Variants in FBXO11 observed in about 807,000 individuals in gnomAD.
The protein encoded by FBXO11 is F-box protein 11.
Under a neutral mutation model 117.0 loss-of-function variants are expected in FBXO11, and 13 were observed. The ratio of observed to expected loss-of-function variants is 0.11; its 90% CI spans 0.07 to 0.18. The LOEUF (loss-of-function observed/expected upper bound fraction) is 0.18. Among genes scored for constraint, FBXO11 ranks in the 10% least tolerant of loss-of-function variants. FBXO11 has a pLI of 1.00. For synonymous variants in FBXO11, 490 were observed against 380.5 expected (o/e 1.29, Z -3.35); for missense variants, 767 against 1,164.4 (o/e 0.66, Z 4.97).
chr2:47,812,802 T>C (rs1670718781), intron 18 of FBXO11: 1 of 224,794 alleles, frequency 4.4e-6, no homozygotes, highest in South Asian at 6.0e-5. Context: ...ACCAGGCACA[T>C]CTTGGCTTCA....
intron 1 of FBXO11, among the ~76,000 whole-genome samples, chr2:47,875,049 G>A (rs531262054): frequency 1.3e-5 from 2 of 151,958 alleles, no homozygotes; most frequent in African/African-American, 4.8e-5. Flanking sequence ...ATCAAAGTCT[G>A]ACTTCATTTA....
intron 1 of FBXO11, among the ~76,000 whole-genome samples, chr2:47,842,249 C>T (rs1572827490): frequency 6.6e-6 from 1 of 152,058 alleles, no homozygotes; most frequent in East Asian, 1.9e-4. Flanking sequence ...CTCTTGACCT[C>T]GTGATCTGCC....
intron 1 of FBXO11, among the ~76,000 whole-genome samples, chr2:47,869,558 C>T (rs1382194557): frequency 1.3e-5 from 2 of 152,102 alleles, no homozygotes; most frequent in African/African-American, 4.8e-5. Flanking sequence ...TACTAATGGC[C>T]CAGACACATC....
At chr2:47,832,278 T>C (rs528826903) in intron 11 of FBXO11, 71 bp downstream of exon 11, 48 of 1,339,346 alleles carry the variant, frequency 3.6e-5, no homozygotes, top group Non-Finnish European at 4.7e-5. Context: ...GATGAGAAAA[T>C]AATGCTGAAA....
intron 1 of FBXO11, among the ~76,000 whole-genome samples, chr2:47,853,120 A>G (rs1210143805): frequency 2.6e-5 from 4 of 150,958 alleles, no homozygotes; most frequent in Non-Finnish European, 2.9e-5. Context: ...CACCCAGGCT[A>G]CAGTGCAGTG....
intron 1 of FBXO11, among the ~76,000 whole-genome samples, chr2:47,889,821 C>G (rs951162461): frequency 1.3e-5 from 2 of 152,134 alleles, no homozygotes; most frequent in Non-Finnish European, 2.9e-5. Context: ...AAAAAATAGC[C>G]ACCTGTTGTG....
At position 47,809,685 on chromosome 2, in the gene FBXO11, T is replaced by C. The variant is rs557498118; in HGVS notation, c.2361A>G (p.Ala787=). 9.3e-6 allele frequency: 15 copies of C among 1,613,188 alleles called. No individual in the cohort carries two copies. Among genetic ancestry groups the C allele is most frequent in the Non-Finnish European group, 1.3e-5 (15 of 1,179,662 alleles). ...FAAGIEITNH[A]TATLEGNQIF... ...TCTGATTGCCTTCTAGTGTTGCAGTTGCGTGATTTGTAATTTCAATACCTG... is the reference window on the plus strand; with the variant it reads ...TCTGATTGCCTTCTAGTGTTGCAGTCGCGTGATTTGTAATTTCAATACCTG... The change falls in exon 20 of 23, where the codon GCA becomes GCG. Residue 787 remains alanine, a synonymous_variant. Coordinates refer to ENST00000403359, the MANE Select transcript of FBXO11 (RefSeq NM_001190274.2).
At chr2:47,856,206 G>A (rs1484826699) in intron 1 of FBXO11, among the ~76,000 whole-genome samples, 1 of 152,248 alleles carries the variant, frequency 6.6e-6, no homozygotes, top group South Asian at 2.1e-4. Context: ...CTCAAAACAA[G>A]CCAAATCTCA....
At chr2:47,825,500 A>C (rs1202988705) in intron 11 of FBXO11, among the ~76,000 whole-genome samples, 1 of 151,782 alleles carries the variant, frequency 6.6e-6, no homozygotes, top group Non-Finnish European at 1.5e-5. Flanking sequence ...GAGGGAGCAC[A>C]ATTAGTATAA....
At chr2:47,868,113 G>C (rs957458235) in intron 1 of FBXO11, among the ~76,000 whole-genome samples, 1 of 152,056 alleles carries the variant, frequency 6.6e-6, no homozygotes, top group African/African-American at 2.4e-5. Flanking sequence ...TGCCATGTCA[G>C]AATTCAAGCC....
chr2:47,838,240 A>C (rs1672741161), intron 4 of FBXO11, among the ~76,000 whole-genome samples: 1 of 152,054 alleles, frequency 6.6e-6, no homozygotes, highest in South Asian at 2.1e-4. Flanking sequence ...CTCTCAAAAA[A>C]CAAATGAAAA....
chr2:47,817,974 C>T (rs1485627835), intron 16 of FBXO11, among the ~76,000 whole-genome samples: 2 of 152,098 alleles, frequency 1.3e-5, no homozygotes, highest in Non-Finnish European at 2.9e-5. Flanking sequence ...ATGGAGAAAC[C>T]CCATCTCTAC....
chr2:47,900,671 TATACACACGTATACACACACGTATAC>T (rs1678105120), intron 1 of FBXO11, among the ~76,000 whole-genome samples: 1 of 53,672 alleles, frequency 1.9e-5, no homozygotes, highest in African/African-American at 1.3e-4. Context: ...CACGTACGTA[TATACACACGTATACACACACGTATAC>T]ACACACGTGT....
intron 21 of FBXO11, 160 bp from the exon 22 acceptor site, chr2:47,808,587 G>C: frequency 1.9e-6 from 1 of 537,338 alleles, no homozygotes; most frequent in Non-Finnish European, 3.2e-6. Flanking sequence ...CTTTAATGGA[G>C]TAAGTGATTT....
At chr2:47,901,010 T>C (rs180795121) in intron 1 of FBXO11, among the ~76,000 whole-genome samples, 47 of 141,294 alleles carry the variant, frequency 3.3e-4, no homozygotes, top group Middle Eastern at 7.8e-3. Flanking sequence ...TGGGGAGATA[T>C]ATATATTTAT....
At chr2:47,892,185 T>G (rs1464084416) in intron 1 of FBXO11, among the ~76,000 whole-genome samples, 1 of 152,190 alleles carries the variant, frequency 6.6e-6, no homozygotes, top group African/African-American at 2.4e-5. Context: ...ATGAAATCAC[T>G]GCCAAAGACA....
chr2:47,886,687 G>T (rs1676878299), intron 1 of FBXO11, among the ~76,000 whole-genome samples: 1 of 152,084 alleles, frequency 6.6e-6, no homozygotes, highest in South Asian at 2.1e-4. Context: ...AAAAAAGAAT[G>T]AGGTAATCCT....
intron 11 of FBXO11, among the ~76,000 whole-genome samples, chr2:47,826,562 C>G (rs767553233): frequency 6.6e-6 from 1 of 152,228 alleles, no homozygotes; most frequent in Non-Finnish European, 1.5e-5. Flanking sequence ...TCCTACCTCT[C>G]TATCCCCCAC....
intron 18 of FBXO11, chr2:47,812,887 A>G (rs972250957): frequency 1.2e-4 from 31 of 267,100 alleles, no homozygotes; most frequent in Non-Finnish European, 1.8e-4. Flanking sequence ...ACATTTTCAG[A>G]TATTTACAGA....
Sources: gnomAD v4.1 joint callset for allele counts (sites outside exome capture counted in the v4.1 genomes callset) on GRCh38, gnomAD v4.1.1 for gene constraint, MANE v1.5 for transcripts, NCBI Gene and HGNC (gene_info 2026-07-23, HGNC 2026-07-21) for gene names.